MYO1H: variants seen among roughly 807,000 people sequenced by gnomAD.
The protein encoded by MYO1H is unconventional myosin-Ih.
MYO1H carries 118 observed loss-of-function variants against 149.3 expected under a neutral mutation model. That is an observed-to-expected ratio of 0.79 (90% confidence interval 0.68 to 0.92). The LOEUF (loss-of-function observed/expected upper bound fraction) is 0.92, where lower values mean the gene tolerates loss of function less well. Ranked by LOEUF, MYO1H falls within the 40% of genes least tolerant of loss-of-function variation. The probability of loss-of-function intolerance (pLI) is 0.00; values close to 1 mark genes in which losing one functional copy is unlikely to be tolerated. For synonymous variants in MYO1H, 447 were observed against 465.2 expected (o/e 0.96, Z 0.50); for missense variants, 1,212 against 1,280.7 (o/e 0.95, Z 0.82).
intron 30 of MYO1H, among the ~76,000 whole-genome samples, 191 bp downstream of exon 30, chr12:109,444,720 A>G (rs1592825425): frequency 1.3e-5 from 2 of 152,262 alleles, no homozygotes; most frequent in Non-Finnish European, 1.5e-5. Flanking sequence ...TACAAAGATT[A>G]GCCGGGTTTG....
intron 1 of MYO1H, among the ~76,000 whole-genome samples, chr12:109,380,816 C>T (rs1052332296): frequency 6.6e-6 from 1 of 151,966 alleles, no homozygotes; most frequent in Non-Finnish European, 1.5e-5. Context: ...CATGGTGGCC[C>T]GCACCAGTAG....
intron 4 of MYO1H, among the ~76,000 whole-genome samples, chr12:109,396,995 T>G (rs1847964997): frequency 6.6e-6 from 1 of 151,728 alleles, no homozygotes; most frequent in South Asian, 2.1e-4. Context: ...TCCCAGCTAA[T>G]TTTTGCATTT....
At chr12:109,339,818 A>G in the MYO1H span, among the ~76,000 whole-genome samples, 1 of 152,184 alleles carries the variant, frequency 6.6e-6, no homozygotes, top group African/African-American at 2.4e-5. Context: ...GATAATACAA[A>G]GTGATAGCCA....
the MYO1H span, among the ~76,000 whole-genome samples, chr12:109,331,166 TA>T: frequency 6.6e-6 from 1 of 152,340 alleles, no homozygotes; most frequent in African/African-American, 2.4e-5. Flanking sequence ...CTGATGTTGC[TA>T]AAATCAGTCA....
intron 17 of MYO1H, 39 bp downstream of exon 17, chr12:109,424,867 C>T (rs747416169): frequency 6.4e-7 from 1 of 1,555,204 alleles, no homozygotes; most frequent in Non-Finnish European, 8.9e-7. Context: ...TGGATCTCAC[C>T]AGAGGGTGAG....
At chr12:109,330,133 T>C in the MYO1H span, among the ~76,000 whole-genome samples, 1 of 152,214 alleles carries the variant, frequency 6.6e-6, no homozygotes, top group African/African-American at 2.4e-5. Context: ...TTGTTCCCAG[T>C]GTACCAGGTT....
chr12:109,346,294 A>G (rs770502136), upstream of MYO1H, among the ~76,000 whole-genome samples: 4 of 152,224 alleles, frequency 2.6e-5, no homozygotes, highest in Non-Finnish European at 5.9e-5. Context: ...ATACTATGCC[A>G]TTTTATATCA....
chr12:109,343,021 C>A (rs2136986429), upstream of MYO1H, among the ~76,000 whole-genome samples: 1 of 152,042 alleles, frequency 6.6e-6, no homozygotes, highest in East Asian at 2.0e-4. Flanking sequence ...GAGTTCAAGA[C>A]CAGTCTGAGC....
the MYO1H span, among the ~76,000 whole-genome samples, chr12:109,331,663 A>G: frequency 6.6e-6 from 1 of 152,176 alleles, no homozygotes; most frequent in Non-Finnish European, 1.5e-5. Context: ...CAGGAAAGAG[A>G]AAAAGGCTGG....
chr12:109,336,918 T>C, the MYO1H span, among the ~76,000 whole-genome samples: 7 of 152,148 alleles, frequency 4.6e-5, no homozygotes, highest in African/African-American at 1.7e-4. Context: ...TTGTCTAACA[T>C]GGGCCAAACA....
At chr12:109,410,890 C>G in intron 13 of MYO1H, 122 bp downstream of exon 13, 1 of 673,730 alleles carries the variant, frequency 1.5e-6, no homozygotes, top group Non-Finnish European at 2.6e-6. Flanking sequence ...GCCTGTAATT[C>G]CAACACTTTG....
chr12:109,408,228 G>A (rs937724339), intron 10 of MYO1H, among the ~76,000 whole-genome samples: 1 of 152,094 alleles, frequency 6.6e-6, no homozygotes, highest in Non-Finnish European at 1.5e-5. Context: ...AGGCTGGGGT[G>A]CAGTGGTGCA....
chr12:109,337,020 C>A, the MYO1H span, among the ~76,000 whole-genome samples: 68 of 152,284 alleles, frequency 4.5e-4, no homozygotes, highest in Middle Eastern at 6.8e-3. Flanking sequence ...ACCCACTACC[C>A]CATCCCAAAA....
At chr12:109,357,537 A>G (rs1868635992) in intron 1 of MYO1H, among the ~76,000 whole-genome samples, 1 of 152,256 alleles carries the variant, frequency 6.6e-6, no homozygotes, top group Non-Finnish European at 1.5e-5. Context: ...GTAGCATAAA[A>G]GCAGCCATAG....
At chr12:109,313,497 T>G in the MYO1H span, among the ~76,000 whole-genome samples, 1 of 152,240 alleles carries the variant, frequency 6.6e-6, no homozygotes. Context: ...ATGACTGATA[T>G]GTGTATGATC....
chr12:109,336,062 C>T, the MYO1H span, among the ~76,000 whole-genome samples: 1 of 149,422 alleles, frequency 6.7e-6, no homozygotes, highest in Non-Finnish European at 1.5e-5. Context: ...CTCACTGCAT[C>T]CTCAAACCCC....
chr12:109,415,505 G>T (rs757540409), intron 14 of MYO1H, 21 bp from the exon 15 acceptor site: 10 of 1,582,284 alleles, frequency 6.3e-6, no homozygotes, highest in Non-Finnish European at 8.6e-6. Flanking sequence ...AGTTCAACTC[G>T]TGTCTATTTC....
At chr12:109,366,734 A>G (rs183529745) in intron 1 of MYO1H, among the ~76,000 whole-genome samples, 1 of 152,372 alleles carries the variant, frequency 6.6e-6, no homozygotes, top group African/African-American at 2.4e-5. Context: ...ATAAAAGGTC[A>G]AACTGAGTAG....
Position 109,435,022 on chromosome 12 carries a change from T to C in MYO1H, c.2064-15T>C. On this transcript the variant is annotated splice_polypyrimidine_tract_variant and intron_variant, in intron 20 of 31. Coordinates refer to ENST00000310903, the Ensembl canonical transcript of MYO1H. ...CTGACCAATTAATAACAAAAACATT[T>C]CTTTTCACTTCTAGAACCAAAATAT... The C allele has an allele frequency of 6.3e-7, 1 of 1,581,540 alleles. No homozygotes were observed.
Sources: gnomAD v4.1 joint callset for allele counts (sites outside exome capture counted in the v4.1 genomes callset) on GRCh38, gnomAD v4.1.1 for gene constraint, MANE v1.5 for transcripts, NCBI Gene and HGNC (gene_info 2026-07-23, HGNC 2026-07-21) for gene names.